Variants in HDGFL2 observed in about 807,000 individuals in gnomAD.
The protein encoded by HDGFL2 is HDGF like 2.
A neutral mutation model predicts 77.1 loss-of-function variants in HDGFL2; 36 were observed. The observed-to-expected ratio is 0.47, with a 90% CI of 0.36 to 0.62. The LOEUF (loss-of-function observed/expected upper bound fraction) is 0.62. Among genes scored for constraint, HDGFL2 ranks in the 20% least tolerant of loss-of-function variants. The pLI, the probability that HDGFL2 is intolerant of heterozygous loss-of-function variation, is 0.00. For synonymous variants in HDGFL2, 463 were observed against 413.1 expected (o/e 1.12, Z -1.46); for missense variants, 976 against 973.4 (o/e 1.00, Z -0.04).
Position 4,472,370 on chromosome 19 carries a change from C to T in HDGFL2, c.20C>T (p.Pro7Leu). 1 of 1,496,722 alleles carries T rather than the reference C, an allele frequency of 6.7e-7. No homozygotes were observed. Among genetic ancestry groups the T allele is most frequent in the Non-Finnish European group, 8.9e-7 (1 of 1,118,956 alleles). 92.7% of individuals were successfully genotyped at this position (1,496,722 alleles called of 1,614,324 possible). A position where few individuals can be genotyped will look rare whatever the true frequency, so the allele number is the denominator to read the frequency against. The change falls in exon 1 of 16, where the codon CCC becomes CTC. Residue 7 changes from proline (P) to leucine (L), a missense_variant. Transcript: ENST00000616600. Reference protein sequence around the residue: MPHAFKPGDLVFAKMKG... With the variant: MPHAFKLGDLVFAKMKG... ...GTCAGCATGCCACACGCCTTCAAGC[C>T]CGGGGACTTGGTGTTCGCTAAGATG...
At chr19:4,483,968 T>A (rs1233312094) in intron 3 of HDGFL2, among the ~76,000 whole-genome samples, 1 of 151,390 alleles carries the variant, frequency 6.6e-6, no homozygotes, top group Non-Finnish European at 1.5e-5. Flanking sequence ...TCTTTGTATT[T>A]TTAGTAGAGA....
chr19:4,481,574 A>T (rs907880361), intron 3 of HDGFL2, among the ~76,000 whole-genome samples: 1 of 136,894 alleles, frequency 7.3e-6, no homozygotes, highest in Non-Finnish European at 1.6e-5. Context: ...GATCCACCCA[A>T]CTCGGCATCC....
chr19:4,481,558 C>T (rs1298632231), intron 3 of HDGFL2, among the ~76,000 whole-genome samples: 2 of 151,774 alleles, frequency 1.3e-5, no homozygotes, highest in East Asian at 3.9e-4. Context: ...GATCTCCTGA[C>T]CTTGTGATCC....
chr19:4,490,879 T>G (rs1975489291), intron 4 of HDGFL2, among the ~76,000 whole-genome samples: 1 of 151,356 alleles, frequency 6.6e-6, no homozygotes, highest in African/African-American at 2.4e-5. Context: ...TGGCGCAATC[T>G]CGGCTCACCG....
chr19:4,472,405 C>T lies in HDGFL2; in HGVS notation c.55C>T (p.Pro19Ser). ...DLVFAKMKGY[P>S]HWPARIDDIA... ...GGTGTTCGCTAAGATGAAGGGCTAC[C>T]CTCACTGGCCTGCCAGGGTGAGGCC... Residue 19 changes from proline (P) to serine (S), a missense_variant, in exon 1 of 16, where the codon CCT becomes TCT. Pro to Ser is a moderately conservative substitution (Grantham distance 74). Coordinates refer to ENST00000616600, the MANE Select transcript of HDGFL2 (RefSeq NM_001001520.3). The T allele has an allele frequency of 6.6e-7, 1 of 1,511,518 alleles. No individual in the cohort carries two copies. Among genetic ancestry groups the T allele is most frequent in the Non-Finnish European group, 8.8e-7 (1 of 1,131,232 alleles). The allele number at this position is 1,511,518 out of a possible 1,614,324, so 93.6% of individuals were successfully genotyped here.
chr19:4,474,315 C>T (rs1182545454), intron 1 of HDGFL2, among the ~76,000 whole-genome samples: 2 of 152,014 alleles, frequency 1.3e-5, no homozygotes, highest in African/African-American at 4.8e-5. Flanking sequence ...GGACCGTGGG[C>T]GGGTCTTGGG....
In HDGFL2 at chr19:4,493,846, G is replaced by A; in HGVS notation, c.822G>A (p.Pro274=). The A allele has an allele frequency of 2.0e-6, 3 of 1,512,126 alleles. No homozygotes were observed. The South Asian group carries it at 3.8e-5, about 19-fold the overall frequency. The allele number at this position is 1,512,126 out of a possible 1,614,324, so 93.7% of individuals were successfully genotyped here. Residue 274 remains proline (P), a synonymous_variant, in exon 7 of 16, where the codon CCG becomes CCA. Coordinates refer to ENST00000616600, the MANE Select transcript of HDGFL2 (RefSeq NM_001001520.3). ...SDSDVSVKKP[P]RGRKPAEKPL... is the part of the protein sequence containing the mutation. Reference sequence around the variant, plus strand: ...CCGATGTGTCTGTGAAGAAGCCTCCGAGGGGCAGGAAGCCAGGTAGGGCCC... The same window carrying A: ...CCGATGTGTCTGTGAAGAAGCCTCCAAGGGGCAGGAAGCCAGGTAGGGCCC...
intron 14 of HDGFL2, 33 bp from the exon 15 acceptor site, chr19:4,501,158 A>C (rs1232903597): frequency 6.2e-7 from 1 of 1,612,032 alleles, no homozygotes; most frequent in South Asian, 1.1e-5. Flanking sequence ...GCTGGAGCCC[A>C]GCAGTGTCCT....
rs1161690244 is a variant in HDGFL2, at chr19:4,498,877, C to G, written c.1537C>G (p.Leu513Val). Residue 513 changes from leucine (L) to valine (V), a missense_variant, in exon 13 of 16, where the codon CTC (leucine) becomes GTC (valine). Leu to Val is a conservative substitution (Grantham distance 32, BLOSUM62 1). This residue lies in a region of HDGFL2 where 46 missense variants were observed against 81.3 expected (regional missense o/e 0.57). Transcript: ENST00000616600. ...LGTLQVTSQI[L>V]QKNTDVVATL... ...AACCCTGCAGGTGACCTCTCAGATC[C>G]TCCAGAAGAACACAGACGTGGTGGC... 6.2e-7 allele frequency: 1 copy of G among 1,612,206 alleles called. No individual in the cohort carries two copies. The highest frequency in any genetic ancestry group is 8.5e-7 in the Non-Finnish European group (1 of 1,179,100).
intron 14 of HDGFL2, 83 bp from the exon 15 acceptor site, chr19:4,501,108 C>T (rs1975863033): frequency 6.4e-7 from 1 of 1,573,348 alleles, no homozygotes; most frequent in East Asian, 2.3e-5. Flanking sequence ...AGCTTGGCCC[C>T]TGGTCCAGTC....
At chr19:4,493,046 CTG>C (rs1374449040) in intron 6 of HDGFL2, among the ~76,000 whole-genome samples, 5 of 90,980 alleles carry the variant, frequency 5.5e-5, no homozygotes, top group East Asian at 3.8e-4. Flanking sequence ...TGTGTGGTAT[CTG>C]TGTGGTGTGT....
At chr19:4,498,523 G>C (rs1225247266) in intron 12 of HDGFL2, 147 bp downstream of exon 12, 1 of 682,066 alleles carries the variant, frequency 1.5e-6, no homozygotes, top group Non-Finnish European at 2.5e-6. Flanking sequence ...TGAGCGCATG[G>C]GGTCTCCTGG....
Position 4,488,760 on chromosome 19 carries a change from G to T in HDGFL2, c.373G>T (p.Val125Phe), listed in dbSNP as rs148098363. 1 of 1,552,742 alleles carries T rather than the reference G, an allele frequency of 6.4e-7. No individual in the cohort carries two copies. Among genetic ancestry groups the T allele is most frequent in the Non-Finnish European group, 8.7e-7 (1 of 1,147,726 alleles). ...DADEDDEDRGVMAVTAVTATA... is the reference protein window; with the variant it reads ...DADEDDEDRGFMAVTAVTATA... ...TGACGAGGACGATGAGGACCGGGGG[G>T]TCATGGCCGTCACAGCGGTAACCGC... Residue 125 changes from valine (V) to phenylalanine (F), a missense_variant, in exon 4 of 16, where the codon GTC becomes TTC. Transcript: ENST00000616600.
chr19:4,498,406 AG>A (rs1415791221), intron 12 of HDGFL2, 30 bp downstream of exon 12: 1 of 1,560,152 alleles, frequency 6.4e-7, no homozygotes, highest in East Asian at 2.2e-5. Context: ...TGAGCCAAGC[AG>A]TCCCCGCTGC....
intron 6 of HDGFL2, among the ~76,000 whole-genome samples, chr19:4,492,623 G>T (rs1172131538): frequency 1.3e-5 from 2 of 151,008 alleles, no homozygotes; most frequent in African/African-American, 2.4e-5. Flanking sequence ...ATCTGTGTAT[G>T]GTGTGTGTTT....
chr19:4,499,801 C>A, intron 14 of HDGFL2, 97 bp downstream of exon 14: 1 of 1,005,918 alleles, frequency 9.9e-7, no homozygotes, highest in Non-Finnish European at 1.4e-6. Context: ...CAGCTCTACT[C>A]TCTGCCCCAA....
chr19:4,499,417 T>G (rs1663212469), intron 13 of HDGFL2, 74 bp from the exon 14 acceptor site: 4 of 1,399,196 alleles, frequency 2.9e-6, no homozygotes, highest in Non-Finnish European at 3.9e-6. Flanking sequence ...GGCGCATTGC[T>G]GGGGCGAGGG....
chr19:4,474,552 C>T (rs1467221123), intron 1 of HDGFL2, among the ~76,000 whole-genome samples: 2 of 151,966 alleles, frequency 1.3e-5, no homozygotes, highest in Non-Finnish European at 2.9e-5. Flanking sequence ...GGAAGGAATG[C>T]ATTGGGAGGG....
At chr19:4,477,846 C>T (rs927182588) in intron 3 of HDGFL2, among the ~76,000 whole-genome samples, 5 of 152,228 alleles carry the variant, frequency 3.3e-5, no homozygotes, top group Middle Eastern at 3.4e-3. Flanking sequence ...CTTTGGGAGG[C>T]TGTGGCTGGT....
Sources: gnomAD v4.1 joint callset for allele counts (sites outside exome capture counted in the v4.1 genomes callset) on GRCh38, gnomAD v4.1.1 for gene constraint, gnomAD v4.1.1 regional missense constraint, MANE v1.5 for transcripts, NCBI Gene and HGNC (gene_info 2026-07-23, HGNC 2026-07-21) for gene names.